The following KMT2B variants were observed in gnomAD, a reference collection of about 807,000 sequenced individuals.
KMT2B encodes lysine methyltransferase 2B, also known as histone-lysine N-methyltransferase 2B.
A neutral mutation model predicts 255.3 loss-of-function variants in KMT2B; 22 were observed. The observed-to-expected ratio is 0.09, with a 90% CI of 0.06 to 0.12. The LOEUF is 0.12. KMT2B is among the 10% of genes least tolerant of loss of function. The pLI, the probability that KMT2B is intolerant of heterozygous loss-of-function variation, is 1.00. For missense variants in KMT2B, 3,149 were observed against 3,737.0 expected (o/e 0.84, Z 4.10); for synonymous variants, 1,730 against 1,498.1 (o/e 1.15, Z -3.57).
Position 35,737,945 on chromosome 19 carries a change from G to T in KMT2B, c.7742+3G>T. ...AAAGAAGCTGTGGGTGTCTACAGGT[G>T]AGTGGGGTTGGGGGGGAGGATGCCC... On this transcript the variant is annotated splice_donor_region_variant and intron_variant, in intron 35 of 36. Coordinates refer to ENST00000420124, the MANE Select transcript of KMT2B (RefSeq NM_014727.3). The surrounding 1 kb of genome is among the most constrained non-coding windows in gnomAD (Gnocchi z 5.3). 1 of 1,602,000 alleles carries T rather than the reference G, an allele frequency of 6.2e-7. No homozygotes were observed. Among genetic ancestry groups the T allele is most frequent in the Middle Eastern group, 1.7e-4 (1 of 6,054 alleles).
Position 35,733,083 on chromosome 19 carries a change from C to T in KMT2B, c.6534C>T (p.Gly2178=). Residue 2178 remains glycine (G), a synonymous_variant, in exon 28 of 37, where the codon GGC becomes GGT. Coordinates refer to ENST00000420124, the MANE Select transcript of KMT2B (RefSeq NM_014727.3). This position sits in a 1 kb window ranked among gnomAD's most constrained non-coding sequence, Gnocchi z 4.3. ...GAPGVRVLSL[G]PAPEPPKPAT... is the part of the protein sequence containing the mutation. ...CAGGGGTCCGGGTGTTAAGCCTTGG[C>T]CCTGCCCCTGAGCCCCCCAAACCCG... 6.4e-7 allele frequency: 1 copy of T among 1,567,406 alleles called. No individual in the cohort carries two copies. The highest frequency in any genetic ancestry group is 2.4e-5 in the East Asian group (1 of 42,118).
At position 35,732,326 on chromosome 19, in the gene KMT2B, C is replaced by T; in HGVS notation, c.5777C>T (p.Ser1926Leu). The T allele has an allele frequency of 6.2e-7, 1 of 1,611,218 alleles. No individual in the cohort carries two copies. The highest frequency in any genetic ancestry group is 8.5e-7 in the Non-Finnish European group (1 of 1,178,776). Reference protein sequence around the residue: ...PSPLAPRPPPSRWASPPLKTS... With the variant: ...PSPLAPRPPPLRWASPPLKTS... ...CCTTTGGCTCCCAGGCCGCCTCCAT[C>T]ACGGTGGGCCTCCCCTCCTCTAAAA... Residue 1926 changes from serine (S) to leucine (L), a missense_variant, in exon 28 of 37, where the codon TCA becomes TTA. Ser to Leu is a moderately radical substitution (Grantham distance 145, BLOSUM62 -2). Around this residue, in one of 18 missense-constraint regions of KMT2B, gnomAD observed 897 missense variants for 825.3 expected, o/e 1.09. Transcript: ENST00000420124.
rs1450652088 is a variant in KMT2B, at chr19:35,732,758, G to A, written c.6209G>A (p.Ser2070Asn). 6.8e-6 allele frequency: 11 copies of A among 1,610,248 alleles called. No individual in the cohort carries two copies. The African/African-American group carries it at 8.0e-5, about 12-fold the overall frequency. The change falls in exon 28 of 37, where the codon AGT becomes AAT. Residue 2070 changes from serine (S) to asparagine (N), a missense_variant. Physicochemically the swap from Ser to Asn is conservative, Grantham distance 46. Coordinates refer to ENST00000420124, the MANE Select transcript of KMT2B (RefSeq NM_014727.3). ...GACGGCGTGGACGACGGCACTGACA[G>A]TGAGGCTGAGGCGGTGCAGCAGCCT... is the stretch of plus-strand genomic sequence containing the variant. ...QLDGVDDGTD[S>N]EAEAVQQPRG...
chr19:35,733,959 AC>A lies in KMT2B; in HGVS notation c.7159+89del. 1 of 897,246 alleles carries A rather than the reference AC, an allele frequency of 1.1e-6. No homozygotes were observed. The highest frequency in any genetic ancestry group is 1.8e-6 in the Non-Finnish European group (1 of 566,034). 55.6% of individuals were successfully genotyped at this position (897,246 alleles called of 1,614,324 possible). A position where few individuals can be genotyped will look rare whatever the true frequency, so the allele number is the denominator to read the frequency against. ...GATGCAAAATCAGCCCTCTTTCAAA[AC>A]CAGTATCTACTCCCAGGGGCCAAGC... On this transcript the variant is annotated intron_variant, in intron 30 of 36. Transcript: ENST00000420124. The surrounding 1 kb of genome is among the most constrained non-coding windows in gnomAD (Gnocchi z 4.3).
rs1260461166 is a variant in KMT2B at position 35,737,959 on chromosome 19, G to A, written c.7742+17G>A. On this transcript the variant is annotated intron_variant, in intron 35 of 36. Transcript: ENST00000420124. This position sits in a 1 kb window ranked among gnomAD's most constrained non-coding sequence, Gnocchi z 5.3. Reference sequence around the variant, plus strand: ...TGTCTACAGGTGAGTGGGGTTGGGGGGGAGGATGCCCCTTGGGTGGACGGA... The same window carrying A: ...TGTCTACAGGTGAGTGGGGTTGGGGAGGAGGATGCCCCTTGGGTGGACGGA... 1 of 1,604,618 alleles carries A rather than the reference G, an allele frequency of 6.2e-7. No homozygotes were observed. The highest frequency in any genetic ancestry group is 8.5e-7 in the Non-Finnish European group (1 of 1,175,222).
chr19:35,718,145 G>C lies in KMT2B; in HGVS notation c.127G>C (p.Val43Leu), dbSNP rs866302515. 2.0e-4 allele frequency: 213 copies of C among 1,051,618 alleles called. 1 individual carries two copies. In the South Asian group the frequency reaches 6.2e-3, roughly 31 times the overall value. 65.1% of individuals were successfully genotyped at this position (1,051,618 alleles called of 1,614,324 possible). A position where few individuals can be genotyped will look rare whatever the true frequency, so the allele number is the denominator to read the frequency against. ...CGGACGGGGCAACGGGGCCGAAAGA[G>C]TGCGGGTAGCTCTGCGGCGCGGCGG... Reference protein sequence around the residue: ...RGGRGNGAERVRVALRRGGGA... With the variant: ...RGGRGNGAERLRVALRRGGGA... Residue 43 changes from valine to leucine, a missense_variant, in exon 1 of 37, where the codon GTG (valine) becomes CTG (leucine). This residue lies in a region of KMT2B where 1,188 missense variants were observed against 1,106.4 expected (regional missense o/e 1.07). Coordinates refer to ENST00000420124, the MANE Select transcript of KMT2B (RefSeq NM_014727.3). This position sits in a 1 kb window ranked among gnomAD's most constrained non-coding sequence, Gnocchi z 5.0.
Position 35,733,619 on chromosome 19 carries a change from A to C in KMT2B, c.6982A>C (p.Thr2328Pro). ...CAGGTTTAGCCGTGTGAGGATGAAA[A>C]CCCCCACAGTGCGTGGGGTCCTTGA... ...SGGFSRVRMK[T>P]PTVRGVLDLD... The change falls in exon 29 of 37, where the codon ACC becomes CCC. Residue 2328 changes from threonine to proline, a missense_variant. Thr to Pro is a conservative substitution (Grantham distance 38). Transcript: ENST00000420124. The surrounding 1 kb of genome is among the most constrained non-coding windows in gnomAD (Gnocchi z 4.3). The C allele has an allele frequency of 6.3e-7, 1 of 1,585,918 alleles. No homozygotes were observed.
In KMT2B at chr19:35,732,642, C is replaced by T. The variant is rs759207648; in HGVS notation, c.6093C>T (p.Thr2031=). The part of the protein sequence containing the change: ...GDSSEEESSP[T]SRYIHFPVTV... ...GCTCCGAGGAGGAGTCCAGCCCCAC[C>T]TCCCGCTACATCCACTTCCCTGTGA... Residue 2031 remains threonine, a synonymous_variant, in exon 28 of 37, where the codon ACC becomes ACT. Transcript: ENST00000420124. 6 of 1,610,674 alleles carry T rather than the reference C, an allele frequency of 3.7e-6. No homozygotes were observed. Among genetic ancestry groups the T allele is most frequent in the African/African-American group, 1.3e-5 (1 of 75,008 alleles).
chr19:35,727,127 C>T lies in KMT2B; in HGVS notation c.4004-29C>T, dbSNP rs1243847365. On this transcript the variant is annotated intron_variant, in intron 14 of 36. Coordinates refer to ENST00000420124, the MANE Select transcript of KMT2B (RefSeq NM_014727.3). The surrounding 1 kb of genome is among the most constrained non-coding windows in gnomAD (Gnocchi z 4.2). ...CAGGGCTGAGTGGGAACTCCAGCAC[C>T]TCTGACTCCTTCTCTTCCCTTTCTC... is the stretch of plus-strand genomic sequence containing the variant. The T allele has an allele frequency of 6.5e-7, 1 of 1,534,804 alleles. No homozygotes were observed. Among genetic ancestry groups the T allele is most frequent in the Non-Finnish European group, 8.9e-7 (1 of 1,119,548 alleles).
In KMT2B at chr19:35,725,816, T is replaced by C; in HGVS notation, c.3883T>C (p.Trp1295Arg). The change falls in exon 13 of 37, where the codon TGG becomes CGG. Residue 1295 changes from tryptophan to arginine, a missense_variant and splice_region_variant. By Grantham distance (101) the Trp-to-Arg change is moderately radical. Around this residue, in one of 18 missense-constraint regions of KMT2B, gnomAD observed 377 missense variants for 471.0 expected, o/e 0.80. Transcript: ENST00000420124. This position sits in a 1 kb window ranked among gnomAD's most constrained non-coding sequence, Gnocchi z 4.1. Reference protein sequence around the residue: ...PTRATRKRRHWICSACVRCKS... With the variant: ...PTRATRKRRHRICSACVRCKS... The stretch of plus-strand genomic sequence containing the variant: ...CCGGGCCACGCGCAAACGGCGCCAC[T>C]GGGTGAGAGATGAGGTTCACCCACT... 6.4e-7 allele frequency: 1 copy of C among 1,570,548 alleles called. No individual in the cohort carries two copies. Among genetic ancestry groups the C allele is most frequent in the Non-Finnish European group, 8.6e-7 (1 of 1,158,270 alleles).
At chr19:35,719,623 A>G (rs1969100066) in intron 2 of KMT2B, 82 bp downstream of exon 2, 1 of 1,502,202 alleles carries the variant, frequency 6.7e-7, no homozygotes, top group African/African-American at 1.4e-5. Context: ...CTGTTCAACT[A>G]GCCTCTGTCA....
chr19:35,722,445 G>A lies in KMT2B; in HGVS notation c.2544G>A (p.Ser848=), dbSNP rs1416059201. The A allele has an allele frequency of 5.0e-6, 8 of 1,609,518 alleles. No individual in the cohort carries two copies. Among genetic ancestry groups the A allele is most frequent in the Admixed American group, 1.7e-5 (1 of 60,002 alleles). Residue 848 remains serine, a synonymous_variant, in exon 4 of 37, where the codon TCG becomes TCA. Coordinates refer to ENST00000420124, the MANE Select transcript of KMT2B (RefSeq NM_014727.3). The stretch of plus-strand genomic sequence containing the variant: ...GCCCTGTCCGGTCTGAAGATGAGTC[G>A]GTGGAAGCTAAGAGAGAGCGGCCCT... The part of the protein sequence containing the change: ...DRGPVRSEDE[S]VEAKRERPSG...
chr19:35,732,823 C>A lies in KMT2B; in HGVS notation c.6274C>A (p.Arg2092=), dbSNP rs766225731. 8 of 1,606,318 alleles carry A rather than the reference C, an allele frequency of 5.0e-6. No individual in the cohort carries two copies. Among genetic ancestry groups the A allele is most frequent in the African/African-American group, 4.0e-5 (3 of 74,854 alleles). ...GCCTCCTTCGGGGCCAGGAGTAGTC[C>A]GGGCAGGGGTCCTTGGGGCTGCAGG... ...GTPPSGPGVV[R]AGVLGAAGDR... Residue 2092 remains arginine, a synonymous_variant, in exon 28 of 37, where the codon CGG becomes AGG. Coordinates refer to ENST00000420124, the MANE Select transcript of KMT2B (RefSeq NM_014727.3).
Position 35,720,579 on chromosome 19 carries a change from C to T in KMT2B, c.1232C>T (p.Pro411Leu), listed in dbSNP as rs1780610322. 6.5e-7 allele frequency: 1 copy of T among 1,533,908 alleles called. No individual in the cohort carries two copies. The highest frequency in any genetic ancestry group is 2.0e-5 in the Admixed American group (1 of 49,038). The change falls in exon 3 of 37, where the codon CCT becomes CTT. Residue 411 changes from proline (P) to leucine (L), a missense_variant. Transcript: ENST00000420124. ...CCACCGCCTCTGACTCCTCCAGCCC[C>T]TTCACCTCCTCCACCCCTCCCACCC... ...LPPPPLTPPA[P>L]SPPPPLPPPS... is the part of the protein sequence containing the mutation.
Position 35,723,590 on chromosome 19 carries a change from G to C in KMT2B, c.3058+88G>C. On this transcript the variant is annotated intron_variant, in intron 7 of 36. Coordinates refer to ENST00000420124, the MANE Select transcript of KMT2B (RefSeq NM_014727.3). This position sits in a 1 kb window ranked among gnomAD's most constrained non-coding sequence, Gnocchi z 7.5. ...CTGTTTTTCTTTGCTCTCCTCCCTT[G>C]CAGCTCACCCTCTCCATCTTCTCCG... The C allele has an allele frequency of 7.5e-7, 1 of 1,338,322 alleles. No individual in the cohort carries two copies. Among genetic ancestry groups the C allele is most frequent in the Non-Finnish European group, 1.0e-6 (1 of 976,152 alleles). 82.9% of individuals were successfully genotyped at this position (1,338,322 alleles called of 1,614,324 possible). A position where few individuals can be genotyped will look rare whatever the true frequency, so the allele number is the denominator to read the frequency against.
chr19:35,719,754 TC>T, intron 2 of KMT2B, 29 bp from the exon 3 acceptor site: 1 of 1,552,306 alleles, frequency 6.4e-7, no homozygotes, highest in Non-Finnish European at 8.7e-7. Flanking sequence ...GCTGGCTTGA[TC>T]CATCTCCCCA....
rs1165598445 is a variant in KMT2B, at chr19:35,737,313, T to C, written c.7550+50T>C. On this transcript the variant is annotated intron_variant, in intron 33 of 36. Coordinates refer to ENST00000420124, the MANE Select transcript of KMT2B (RefSeq NM_014727.3). This position sits in a 1 kb window ranked among gnomAD's most constrained non-coding sequence, Gnocchi z 5.3. Reference sequence around the variant, plus strand: ...TGGGTCAGGGCGCCCCTATGAGAGCTCTTGAGGGTGGGAGTTAACTGTAGA... The same window carrying C: ...TGGGTCAGGGCGCCCCTATGAGAGCCCTTGAGGGTGGGAGTTAACTGTAGA... 1 of 1,444,372 alleles carries C rather than the reference T, an allele frequency of 6.9e-7. No homozygotes were observed. Among genetic ancestry groups the C allele is most frequent in the South Asian group, 1.5e-5 (1 of 68,316 alleles). 89.5% of individuals were successfully genotyped at this position (1,444,372 alleles called of 1,614,324 possible).
At chr19:35,728,281 G>C in intron 19 of KMT2B, 110 bp downstream of exon 19, 3 of 944,610 alleles carry the variant, frequency 3.2e-6, no homozygotes, top group Non-Finnish European at 4.9e-6. Flanking sequence ...GTCTGGAGCA[G>C]AGCTGGAGAG....
In KMT2B at chr19:35,738,450, C is replaced by T; in HGVS notation, c.8041C>T (p.Leu2681=). Residue 2681 remains leucine, a synonymous_variant, in exon 37 of 37, where the codon CTG becomes TTG. Coordinates refer to ENST00000420124, the MANE Select transcript of KMT2B (RefSeq NM_014727.3). The surrounding 1 kb of genome is among the most constrained non-coding windows in gnomAD (Gnocchi z 8.7). The stretch of plus-strand genomic sequence containing the variant: ...TGTTATCTTCGCCCTGCGCCGCATC[C>T]TGCGTGGTGAGGAGCTCACCTACGA... ...HIVIFALRRI[L]RGEELTYDYK... 1.2e-6 allele frequency: 2 copies of T among 1,614,126 alleles called. No homozygotes were observed. The highest frequency in any genetic ancestry group is 1.7e-6 in the Non-Finnish European group (2 of 1,179,962).
Sources: gnomAD v4.1 joint callset for allele counts on GRCh38, gnomAD v4.1.1 for gene constraint, gnomAD v4.1.1 regional missense constraint, Gnocchi (gnomAD v3.1) non-coding constraint, MANE v1.5 for transcripts, NCBI Gene and HGNC (gene_info 2026-07-23, HGNC 2026-07-21) for gene names.